The following TNFAIP3 variants were observed in gnomAD, a reference collection of about 807,000 sequenced individuals.
TNFAIP3 encodes tumor necrosis factor alpha-induced protein 3.
In TNFAIP3, 9 loss-of-function variants were observed where a neutral mutation model predicts 72.4. That is an observed-to-expected ratio of 0.12 (90% confidence interval 0.07 to 0.22). The LOEUF is 0.22. TNFAIP3 is among the 10% of genes least tolerant of loss of function. The probability of loss-of-function intolerance (pLI) is 1.00; values close to 1 mark genes in which losing one functional copy is unlikely to be tolerated. For synonymous variants in TNFAIP3, 339 were observed against 372.6 expected (o/e 0.91, Z 1.04); for missense variants, 833 against 1,018.7 (o/e 0.82, Z 2.48).
rs1269959533 is a variant in TNFAIP3 at position 137,867,526 on chromosome 6, CCGCGCCTCCCGG to C, written c.-31_-20del. The C allele has an allele frequency of 1.3e-5, 2 of 153,182 alleles. No homozygotes were observed. The highest frequency in any genetic ancestry group is 4.8e-5 in the African/African-American group (2 of 41,460). 9.5% of individuals were successfully genotyped at this position (153,182 alleles called of 1,614,324 possible). On this transcript the variant is annotated 5_prime_UTR_variant, in exon 1 of 9. Coordinates refer to ENST00000612899, the MANE Select transcript of TNFAIP3 (RefSeq NM_001270508.2). The surrounding 1 kb of genome is among the most constrained non-coding windows in gnomAD (Gnocchi z 6.0). ...GCCGCGCCTCCCGGAGAGGTAACCG[CCGCGCCTCCCGG>C]AGAGGTAACCGCCGCGCCTCCCCGT...
chr6:137,878,301 C>A, intron 6 of TNFAIP3, 131 bp from the exon 7 acceptor site: 1 of 766,178 alleles, frequency 1.3e-6, no homozygotes. Context: ...CACAGGCCTG[C>A]ATTTCAGTGA....
At position 137,871,182 on chromosome 6, in the gene TNFAIP3, A is replaced by G; in HGVS notation, c.-15-31A>G. The G allele has an allele frequency of 6.4e-7, 1 of 1,556,066 alleles. No homozygotes were observed. The highest frequency in any genetic ancestry group is 8.7e-7 in the Non-Finnish European group (1 of 1,154,762). On this transcript the variant is annotated intron_variant, in intron 1 of 8. Transcript: ENST00000612899. The surrounding 1 kb of genome is among the most constrained non-coding windows in gnomAD (Gnocchi z 4.2). The stretch of plus-strand genomic sequence containing the variant: ...AGTCGTATTAAAGTCAGGCTAATAG[A>G]ATGGCTTTTTTTTTTTCCTTTCCTT...
Position 137,871,744 on chromosome 6 carries a change from C to T in TNFAIP3, c.295+222C>T, listed in dbSNP as rs114810769. ...TTTTCTGATTGTGTATATTGCAGAG[C>T]ACATTGAGGCTTGGAGAATGCATTT... On this transcript the variant is annotated intron_variant, in intron 2 of 8. Transcript: ENST00000612899. This position sits in a 1 kb window ranked among gnomAD's most constrained non-coding sequence, Gnocchi z 4.2. 4.9e-3 allele frequency among the ~76,000 whole-genome samples: 739 copies of T among 152,260 alleles called. 5 individuals carry two copies. The highest frequency in any genetic ancestry group is 0.024 in the Middle Eastern group (7 of 294).
chr6:137,881,996 C>A lies in TNFAIP3; in HGVS notation c.*677C>A. On this transcript the variant is annotated 3_prime_UTR_variant, in exon 9 of 9. Transcript: ENST00000612899. The surrounding 1 kb of genome is among the most constrained non-coding windows in gnomAD (Gnocchi z 5.0). ...AACAAGCTGCTCTTTATAATATGCA[C>A]CTTTTAAAAAATTAGAATATTTTAC... The A allele has an allele frequency of 4.3e-6, 1 of 231,386 alleles. No homozygotes were observed. 14.3% of individuals were successfully genotyped at this position (231,386 alleles called of 1,614,324 possible).
At position 137,879,345 on chromosome 6, in the gene TNFAIP3, A is replaced by G; in HGVS notation, c.1900A>G (p.Asn634Asp). The change falls in exon 7 of 9, where the codon AAC (asparagine) becomes GAC (aspartate). Residue 634 changes from asparagine (N) to aspartate (D), a missense_variant. Asn to Asp is a conservative substitution (Grantham distance 23). This residue lies in a region of TNFAIP3 where 587 missense variants were observed against 657.8 expected (regional missense o/e 0.89). Transcript: ENST00000612899. ...CTLCFIEYRE[N>D]KHFAAASGKV... is the part of the protein sequence containing the mutation. ...ACTGTGTTTCATCGAGTACAGAGAA[A>G]ACAAACGTGAGTGAAGTGGTTGACT... The G allele has an allele frequency of 6.2e-7, 1 of 1,609,610 alleles. No homozygotes were observed. Among genetic ancestry groups the G allele is most frequent in the African/African-American group, 1.3e-5 (1 of 74,900 alleles).
chr6:137,878,516 G>A lies in TNFAIP3; in HGVS notation c.1071G>A (p.Gln357=), dbSNP rs2114496705. 1 of 1,614,242 alleles carries A rather than the reference G, an allele frequency of 6.2e-7. No individual in the cohort carries two copies. The highest frequency in any genetic ancestry group is 2.2e-5 in the East Asian group (1 of 44,882). Residue 357 remains glutamine, a synonymous_variant, in exon 7 of 9, where the codon CAG becomes CAA. Transcript: ENST00000612899. The part of the protein sequence containing the change: ...ELVQHEYKKW[Q]ENSEQGRREG... The stretch of plus-strand genomic sequence containing the variant: ...TTCAGCATGAGTACAAGAAATGGCA[G>A]GAAAACAGCGAGCAGGGGAGGAGAG...
intron 3 of TNFAIP3, 55 bp downstream of exon 3, chr6:137,875,090 A>G: frequency 6.3e-7 from 1 of 1,599,672 alleles, no homozygotes; most frequent in Non-Finnish European, 8.5e-7. Context: ...GGCATAGGGT[A>G]CCCCTGGGCG....
chr6:137,866,554 G>A (rs1219219798), upstream of TNFAIP3: 2 of 152,482 alleles, frequency 1.3e-5, no homozygotes, highest in East Asian at 3.7e-4. Flanking sequence ...CGGCATAGGG[G>A]TGAGTGTTGT....
rs1467566767 is a variant in TNFAIP3, at chr6:137,879,151, G to A, written c.1706G>A (p.Arg569Gln). The A allele has an allele frequency of 1.1e-5, 17 of 1,613,966 alleles. No individual in the cohort carries two copies. The highest frequency in any genetic ancestry group is 2.2e-5 in the East Asian group (1 of 44,882). ...CHQRSKSDPSRLVRSPSPHSC... is the reference protein window; with the variant it reads ...CHQRSKSDPSQLVRSPSPHSC... ...CAGCGTTCCAAGTCAGATCCCTCGC[G>A]GCTCGTCCGGAGCCCCTCCCCGCAT... The change falls in exon 7 of 9, where the codon CGG becomes CAG. Residue 569 changes from arginine to glutamine, a missense_variant. This residue lies in a region of TNFAIP3 where 587 missense variants were observed against 657.8 expected (regional missense o/e 0.89). Transcript: ENST00000612899.
rs772637841 is a variant in TNFAIP3, at chr6:137,875,858, A to G, written c.634+23A>G. The G allele has an allele frequency of 9.3e-6, 15 of 1,613,994 alleles. No individual in the cohort carries two copies. The East Asian group carries it at 3.3e-4, about 36-fold the overall frequency. On this transcript the variant is annotated intron_variant, in intron 4 of 8. Transcript: ENST00000612899. ...CAGGTGAGATGCCTGCAGATCACGG[A>G]TCTGTACTTAAATGCTTTCAGCCTT...
In TNFAIP3 at chr6:137,878,829, C is replaced by T. The variant is rs1168260001; in HGVS notation, c.1384C>T (p.Pro462Ser). Residue 462 changes from proline (P) to serine (S), a missense_variant, in exon 7 of 9, where the codon CCG becomes TCG. Pro to Ser is a moderately conservative substitution (Grantham distance 74). Coordinates refer to ENST00000612899, the MANE Select transcript of TNFAIP3 (RefSeq NM_001270508.2). ...CACTGGGGGGCCTCATTCGGCCCCA[C>T]CGACAGCACCCAGCCCTTTTCTGTT... is the stretch of plus-strand genomic sequence containing the variant. ...ESTGGPHSAP[P>S]TAPSPFLFSE... 3 of 1,614,046 alleles carry T rather than the reference C, an allele frequency of 1.9e-6. No homozygotes were observed. Among genetic ancestry groups the T allele is most frequent in the East Asian group, 2.2e-5 (1 of 44,894 alleles).
Position 137,880,114 on chromosome 6 carries a change from G to A in TNFAIP3, c.1950G>A (p.Arg650=), listed in dbSNP as rs2114510448. Reference sequence around the variant, plus strand: ...GGAAAGTCAGTCCCACAGCGTCCAGGTTCCAGAACACCATTCCGTGCCTGG... The same window carrying A: ...GGAAAGTCAGTCCCACAGCGTCCAGATTCCAGAACACCATTCCGTGCCTGG... ...ASGKVSPTAS[R]FQNTIPCLGR... is the part of the protein sequence containing the mutation. Residue 650 remains arginine, a synonymous_variant, in exon 8 of 9, where the codon AGG becomes AGA. Coordinates refer to ENST00000612899, the MANE Select transcript of TNFAIP3 (RefSeq NM_001270508.2). The A allele has an allele frequency of 6.2e-7, 1 of 1,614,106 alleles. No homozygotes were observed. Among genetic ancestry groups the A allele is most frequent in the Non-Finnish European group, 8.5e-7 (1 of 1,180,020 alleles).
rs767426499 is a variant in TNFAIP3, at chr6:137,881,057, T to C, written c.2111T>C (p.Val704Ala). 6.2e-7 allele frequency: 1 copy of C among 1,610,790 alleles called. No homozygotes were observed. The highest frequency in any genetic ancestry group is 1.1e-5 in the South Asian group (1 of 90,820). ...CAGAGATCGAGCCAGCGCAGAGATG[T>C]GCCTCGAACCACACAAAGCACCTCA... Reference protein sequence around the residue: ...EQLRSSQRRDVPRTTQSTSRP... With the variant: ...EQLRSSQRRDAPRTTQSTSRP... Residue 704 changes from valine to alanine, a missense_variant, in exon 9 of 9, where the codon GTG becomes GCG. Val to Ala is a moderately conservative substitution (Grantham distance 64). This residue lies in a region of TNFAIP3 where 587 missense variants were observed against 657.8 expected (regional missense o/e 0.89). Transcript: ENST00000612899. This position sits in a 1 kb window ranked among gnomAD's most constrained non-coding sequence, Gnocchi z 5.0.
Position 137,876,194 on chromosome 6 carries a change from A to C in TNFAIP3, c.805+28A>C, listed in dbSNP as rs661561. On this transcript the variant is annotated intron_variant, in intron 5 of 8. Coordinates refer to ENST00000612899, the MANE Select transcript of TNFAIP3 (RefSeq NM_001270508.2). ...GAGAAAACTGCATTAATTCACATCT[A>C]TAACTAGACACTGAAACATCAGGGT... is the stretch of plus-strand genomic sequence containing the variant. 989,629 of 1,583,506 alleles carry C rather than the reference A, an allele frequency of 0.62. 319,081 individuals carry two copies. The highest frequency in any genetic ancestry group is 0.86 in the East Asian group (38,304 of 44,640).
intron 1 of TNFAIP3, among the ~76,000 whole-genome samples, chr6:137,870,207 C>A (rs1383206533): frequency 6.6e-6 from 1 of 152,154 alleles, no homozygotes; most frequent in African/African-American, 2.4e-5. Context: ...ATTTCATTGG[C>A]AGTTGAGTTA....
chr6:137,879,131 T>A lies in TNFAIP3; in HGVS notation c.1686T>A (p.Arg562=). ...STSLPPSCHQ[R]SKSDPSRLVR... ...GCCTCCCTCCTTCCTGTCACCAGCG[T>A]TCCAAGTCAGATCCCTCGCGGCTCG... The change falls in exon 7 of 9, where the codon CGT becomes CGA. Residue 562 remains arginine (R), a synonymous_variant. Coordinates refer to ENST00000612899, the MANE Select transcript of TNFAIP3 (RefSeq NM_001270508.2). 6.2e-7 allele frequency: 1 copy of A among 1,614,126 alleles called. No individual in the cohort carries two copies. The highest frequency in any genetic ancestry group is 8.5e-7 in the Non-Finnish European group (1 of 1,180,022).
At chr6:137,870,193 T>C (rs1039654423) in intron 1 of TNFAIP3, among the ~76,000 whole-genome samples, 3 of 152,248 alleles carry the variant, frequency 2.0e-5, no homozygotes, top group African/African-American at 7.2e-5. Flanking sequence ...AGGGTGATGA[T>C]AAAATTTCAT....
Position 137,869,364 on chromosome 6 carries a change from TGGATGGATGGATGGAC to T in TNFAIP3, c.-16+1826_-15-1830del, listed in dbSNP as rs1183238326. ...ATGGATGGATGGATGGATGGATGGA[TGGATGGATGGATGGAC>T]GGACGGACGGACGGACGGATAGATG... On this transcript the variant is annotated intron_variant, in intron 1 of 8. Transcript: ENST00000612899. Among the ~76,000 whole-genome samples the T allele has an allele frequency of 5.7e-4, 80 of 141,274 alleles. No homozygotes were observed. In the South Asian group the frequency reaches 0.015, roughly 27 times the overall value. The allele number at this position is 141,274 out of a possible 152,430, so 92.7% of individuals were successfully genotyped here.
rs937356200 is a variant in TNFAIP3 at position 137,876,203 on chromosome 6, C to T, written c.805+37C>T. On this transcript the variant is annotated intron_variant, in intron 5 of 8. Coordinates refer to ENST00000612899, the MANE Select transcript of TNFAIP3 (RefSeq NM_001270508.2). The stretch of plus-strand genomic sequence containing the variant: ...GCATTAATTCACATCTATAACTAGA[C>T]ACTGAAACATCAGGGTTTTCCTTTT... 10 of 1,542,628 alleles carry T rather than the reference C, an allele frequency of 6.5e-6. No homozygotes were observed. The African/African-American group carries it at 9.6e-5, about 15-fold the overall frequency.
Sources: allele counts gnomAD v4.1 joint callset (sites outside exome capture counted in the v4.1 genomes callset), GRCh38; gene constraint gnomAD v4.1.1; regional missense constraint gnomAD v4.1.1; non-coding constraint Gnocchi (gnomAD v3.1); transcripts MANE v1.5; gene names NCBI Gene and HGNC (gene_info 2026-07-23, HGNC 2026-07-21).